Variants in MACROD2 observed in about 807,000 individuals in gnomAD.
The protein encoded by MACROD2 is ADP-ribose glycohydrolase MACROD2.
A neutral mutation model predicts 70.4 loss-of-function variants in MACROD2; 36 were observed. That is an observed-to-expected ratio of 0.51 (90% CI 0.39 to 0.68). The LOEUF (loss-of-function observed/expected upper bound fraction) is 0.68. Ranked by LOEUF, MACROD2 falls within the 30% of genes least tolerant of loss-of-function variation. The pLI is 0.00. For missense variants in MACROD2, 496 were observed against 538.4 expected (o/e 0.92, Z 0.78); for synonymous variants, 172 against 178.8 (o/e 0.96, Z 0.30).
intron 8 of MACROD2, among the ~76,000 whole-genome samples, chr20:15,653,788 A>G (rs2146801400): frequency 6.6e-6 from 1 of 152,246 alleles, no homozygotes; most frequent in East Asian, 1.9e-4. Context: ...TCTTTCTGGG[A>G]CTGACTATAA....
chr20:15,060,132 T>C (rs941764083), intron 5 of MACROD2, among the ~76,000 whole-genome samples: 3 of 152,226 alleles, frequency 2.0e-5, no homozygotes, highest in African/African-American at 7.2e-5. Context: ...ATTGCTAGCC[T>C]TGCTGTCCCT....
At chr20:14,594,364 G>A (rs1981980733) in intron 4 of MACROD2, among the ~76,000 whole-genome samples, 1 of 152,098 alleles carries the variant, frequency 6.6e-6, no homozygotes, top group Non-Finnish European at 1.5e-5. Flanking sequence ...TTAAAATATG[G>A]AAAATGCTTT....
rs1177498607 is a variant in MACROD2, at chr20:15,234,012, C to CTTTTTTTTTTTT, written c.540+3977_540+3988dup. On this transcript the variant is annotated intron_variant, in intron 6 of 17. Coordinates refer to ENST00000684519, the MANE Select transcript of MACROD2 (RefSeq NM_001351661.2). Reference sequence around the variant, plus strand: ...ATATATATATATATATATATATATTCTTTTTTTTTTTTTTTTTTTTTTTTT... The same window carrying CTTTTTTTTTTTT: ...ATATATATATATATATATATATATTCTTTTTTTTTTTTTTTTTTTTTTTTTTTTTTTTTTTTT... 4.1e-4 allele frequency among the ~76,000 whole-genome samples: 12 copies of CTTTTTTTTTTTT among 29,184 alleles called. 3 individuals carry two copies. The highest frequency in any genetic ancestry group is 6.3e-4 in the Non-Finnish European group (11 of 17,364). The allele number at this position is 29,184 out of a possible 152,430, so 19.1% of individuals were successfully genotyped here.
chr20:15,147,145 C>A (rs148183959), intron 5 of MACROD2, among the ~76,000 whole-genome samples: 1 of 152,024 alleles, frequency 6.6e-6, no homozygotes, highest in Non-Finnish European at 1.5e-5. Context: ...ACCCTGGGGG[C>A]GGGAGCTCCA....
intron 9 of MACROD2, among the ~76,000 whole-genome samples, chr20:15,878,568 C>T (rs181958882): frequency 3.3e-3 from 504 of 152,128 alleles, no homozygotes; most frequent in Non-Finnish European, 5.0e-3. Context: ...TATTTCACTT[C>T]CCCAAAAGAC....
chr20:15,478,919 G>T (rs1415710864), intron 7 of MACROD2, among the ~76,000 whole-genome samples: 1 of 152,162 alleles, frequency 6.6e-6, no homozygotes, highest in Non-Finnish European at 1.5e-5. Context: ...TGACCAATCT[G>T]CAATCTAAGA....
chr20:14,972,206 A>G (rs1260129390), intron 5 of MACROD2, among the ~76,000 whole-genome samples: 1 of 152,194 alleles, frequency 6.6e-6, no homozygotes, highest in Non-Finnish European at 1.5e-5. Flanking sequence ...TTTCTACTCA[A>G]TTCTATTGGT....
intron 5 of MACROD2, among the ~76,000 whole-genome samples, chr20:14,939,865 A>G (rs1328156694): frequency 6.6e-6 from 1 of 151,874 alleles, no homozygotes; most frequent in African/African-American, 2.4e-5. Flanking sequence ...CTTTGTAGCT[A>G]TTATAGATGG....
intron 4 of MACROD2, chr20:14,547,350 C>A: frequency 4.3e-6 from 1 of 232,452 alleles, no homozygotes; most frequent in South Asian, 8.0e-5. Context: ...TCATACAGAT[C>A]ACATACTCCC....
At chr20:14,279,393 A>G (rs559238759) in intron 3 of MACROD2, among the ~76,000 whole-genome samples, 64 of 152,104 alleles carry the variant, frequency 4.2e-4, no homozygotes, top group South Asian at 2.3e-3. Flanking sequence ...TCATTCTTCT[A>G]CTCTGTGAAT....
chr20:15,592,426 C>T (rs1387179664), intron 8 of MACROD2, among the ~76,000 whole-genome samples: 1 of 152,172 alleles, frequency 6.6e-6, no homozygotes, highest in Non-Finnish European at 1.5e-5. Flanking sequence ...GGGTTTGCCC[C>T]TTAGTCTGAA....
chr20:15,999,631 G>T (rs2066681584), intron 15 of MACROD2, among the ~76,000 whole-genome samples: 1 of 152,042 alleles, frequency 6.6e-6, no homozygotes, highest in Non-Finnish European at 1.5e-5. Context: ...ATTAGTATTT[G>T]CTTTATATAT....
rs144407943 is a variant in MACROD2, at chr20:14,715,693, G to A, written c.418+30734G>A. Among the ~76,000 whole-genome samples, 700 of 152,238 alleles carry A rather than the reference G, an allele frequency of 4.6e-3. 2 individuals are homozygous for A. Among genetic ancestry groups the A allele is most frequent in the Middle Eastern group, 0.037 (11 of 294 alleles). Reference sequence around the variant, plus strand: ...CAAGCTCTCTGAGCCCTGGGAGAACGAAAACAGGCCAGGATTACCAGTTTT... The same window carrying A: ...CAAGCTCTCTGAGCCCTGGGAGAACAAAAACAGGCCAGGATTACCAGTTTT... On this transcript the variant is annotated intron_variant, in intron 5 of 17. Transcript: ENST00000684519.
At position 15,366,069 on chromosome 20, in the gene MACROD2, G is replaced by A. The variant is rs116865284; in HGVS notation, c.541-65336G>A. Among the ~76,000 whole-genome samples, 302 of 152,314 alleles carry A rather than the reference G, an allele frequency of 2.0e-3. No individual in the cohort carries two copies. The East Asian group carries it at 0.024, about 12-fold the overall frequency. On this transcript the variant is annotated intron_variant, in intron 6 of 17. Transcript: ENST00000684519. ...AGATGATGACTGACATGTAGCCAAA[G>A]GTGGAGGCAGAAGAGAACAGAGAGG...
chr20:14,981,980 C>G (rs6105348), intron 5 of MACROD2, among the ~76,000 whole-genome samples: 6 of 152,178 alleles, frequency 3.9e-5, no homozygotes, highest in South Asian at 4.2e-4. Context: ...TTTGAACTTC[C>G]TAGAGACTTG....
chr20:14,784,585 G>A (rs1052266175), intron 5 of MACROD2, among the ~76,000 whole-genome samples: 2 of 144,706 alleles, frequency 1.4e-5, no homozygotes, highest in African/African-American at 2.5e-5. Context: ...TGCTTCACAT[G>A]TAGTAGATAT....
At chr20:14,008,473 G>A (rs1449443666) in intron 2 of MACROD2, among the ~76,000 whole-genome samples, 2 of 152,066 alleles carry the variant, frequency 1.3e-5, no homozygotes, top group African/African-American at 4.8e-5. Flanking sequence ...AAATCAGAGA[G>A]GACACAAACA....
At chr20:15,965,579 G>A (rs1407732494) in intron 12 of MACROD2, among the ~76,000 whole-genome samples, 3 of 151,980 alleles carry the variant, frequency 2.0e-5, no homozygotes, top group African/African-American at 7.2e-5. Context: ...TGTGGTACAA[G>A]ACTAAATATC....
chr20:15,659,516 C>T (rs556254831), intron 8 of MACROD2, among the ~76,000 whole-genome samples: 24 of 151,956 alleles, frequency 1.6e-4, no homozygotes, highest in East Asian at 3.9e-4. Flanking sequence ...CTTCCCATGT[C>T]GTCTTGACCA....
Sources: gnomAD v4.1 joint callset for allele counts (sites outside exome capture counted in the v4.1 genomes callset) on GRCh38, gnomAD v4.1.1 for gene constraint, MANE v1.5 for transcripts, NCBI Gene and HGNC (gene_info 2026-07-23, HGNC 2026-07-21) for gene names.